The following MPHOSPH8 variants were observed in gnomAD, a reference collection of about 807,000 sequenced individuals.
MPHOSPH8 encodes the protein M-phase phosphoprotein 8, also known as M-phase phosphoprotein, mpp.
In MPHOSPH8, 45 loss-of-function variants were observed where a neutral mutation model predicts 87.3. The ratio of observed to expected loss-of-function variants is 0.52; its 90% CI spans 0.41 to 0.66. MPHOSPH8 has a LOEUF of 0.66. MPHOSPH8 is among the 30% of genes least tolerant of loss of function. The pLI is 0.00. For synonymous variants in MPHOSPH8, 366 were observed against 376.9 expected, an observed-to-expected ratio of 0.97 and a Z score of 0.33; for missense variants, 883 against 1,020.2, an observed-to-expected ratio of 0.87 and a Z score of 1.83.
chr13:19,655,709 T>G (rs1875121954), intron 5 of MPHOSPH8, among the ~76,000 whole-genome samples: 1 of 152,094 alleles, frequency 6.6e-6, no homozygotes, highest in Non-Finnish European at 1.5e-5. Context: ...AAACCAGGAA[T>G]AATACAAGGA....
In MPHOSPH8 at chr13:19,671,863, G is replaced by A. The variant is rs747176475; in HGVS notation, c.2571G>A (p.Val857=). The part of the protein sequence containing the change: ...KVKLLIGAYR[V]QLQ ...AGTTGCTAATAGGTGCATACAGAGTGCAGCTGCAGTGACCAAACAGAAGGG... is the reference window on the plus strand; with the variant it reads ...AGTTGCTAATAGGTGCATACAGAGTACAGCTGCAGTGACCAAACAGAAGGG... The change falls in exon 14 of 14, where the codon GTG becomes GTA. Residue 857 remains valine, a synonymous_variant. Coordinates refer to ENST00000361479, the MANE Select transcript of MPHOSPH8 (RefSeq NM_017520.4). 11 of 1,614,184 alleles carry A rather than the reference G, an allele frequency of 6.8e-6. No homozygotes were observed.
At position 19,659,183 on chromosome 13, in the gene MPHOSPH8, T is replaced by C; in HGVS notation, c.1703-18T>C. ...ATCTAGATTTATAAAATCTAACTTATTTTTTCTTTCATTTTAGATGTGTTA... is the reference window on the plus strand; with the variant it reads ...ATCTAGATTTATAAAATCTAACTTACTTTTTCTTTCATTTTAGATGTGTTA... On this transcript the variant is annotated intron_variant, in intron 6 of 13. Coordinates refer to ENST00000361479, the MANE Select transcript of MPHOSPH8 (RefSeq NM_017520.4). 1 of 1,609,158 alleles carries C rather than the reference T, an allele frequency of 6.2e-7. No homozygotes were observed. The highest frequency in any genetic ancestry group is 8.5e-7 in the Non-Finnish European group (1 of 1,178,166).
At chr13:19,659,612 G>A (rs566759364) in intron 7 of MPHOSPH8, 18 of 398,988 alleles carry the variant, frequency 4.5e-5, no homozygotes, top group Middle Eastern at 3.7e-4. Flanking sequence ...TGTGGTAAGT[G>A]GAGATCACAC....
chr13:19,671,992 GT>G lies in MPHOSPH8; in HGVS notation c.*119del. Reference sequence around the variant, plus strand: ...AAGTTTTGTCTGTAAACCTCTTGCAGTTAAGCCTGTTGTCTGTTGTAGTCTG... The same window carrying G: ...AAGTTTTGTCTGTAAACCTCTTGCAGTAAGCCTGTTGTCTGTTGTAGTCTG... On this transcript the variant is annotated 3_prime_UTR_variant, in exon 14 of 14. Coordinates refer to ENST00000361479, the MANE Select transcript of MPHOSPH8 (RefSeq NM_017520.4). 2 of 1,021,230 alleles carry G rather than the reference GT, an allele frequency of 2.0e-6. No homozygotes were observed. The highest frequency in any genetic ancestry group is 3.0e-6 in the Non-Finnish European group (2 of 669,194). 63.3% of individuals were successfully genotyped at this position (1,021,230 alleles called of 1,614,324 possible).
intron 9 of MPHOSPH8, among the ~76,000 whole-genome samples, chr13:19,664,435 G>C (rs575363757): frequency 1.3e-4 from 20 of 152,308 alleles, no homozygotes; most frequent in African/African-American, 4.3e-4. Flanking sequence ...TTCATGCCAA[G>C]CCTTAGGGAG....
At chr13:19,661,661 A>C in intron 7 of MPHOSPH8, 37 bp from the exon 8 acceptor site, 1 of 1,555,220 alleles carries the variant, frequency 6.4e-7, no homozygotes, top group Non-Finnish European at 8.7e-7. Flanking sequence ...GTTCTGACTA[A>C]AGATTAACAC....
intron 2 of MPHOSPH8, among the ~76,000 whole-genome samples, chr13:19,642,685 TA>T (rs75653621): frequency 0.034 from 4,761 of 141,770 alleles, 203 homozygotes; most frequent in African/African-American, 0.1. Context: ...GGACCTGGTT[TA>T]AAAAAAAAAA....
chr13:19,638,383 G>A (rs752212233), intron 1 of MPHOSPH8, among the ~76,000 whole-genome samples: 1 of 152,032 alleles, frequency 6.6e-6, no homozygotes, highest in Non-Finnish European at 1.5e-5. Context: ...GGGAAGCCGA[G>A]GCAGACGGAT....
In MPHOSPH8 at chr13:19,661,752, C is replaced by T; in HGVS notation, c.1846C>T (p.Leu616Phe). 2 of 1,612,628 alleles carry T rather than the reference C, an allele frequency of 1.2e-6. No homozygotes were observed. Among genetic ancestry groups the T allele is most frequent in the Admixed American group, 1.7e-5 (1 of 59,834 alleles). ...TGCCGCCGCCGGAGGGCAGGACGAC[C>T]TCCTGCGACTCCTCATCACAAAAGG... ...MLAAAGGQDD[L>F]LRLLITKGAK... Residue 616 changes from leucine (L) to phenylalanine (F), a missense_variant, in exon 8 of 14, where the codon CTC becomes TTC. By Grantham distance (22) the Leu-to-Phe change is conservative. Coordinates refer to ENST00000361479, the MANE Select transcript of MPHOSPH8 (RefSeq NM_017520.4).
In MPHOSPH8 at chr13:19,650,253, G is replaced by C; in HGVS notation, c.1569G>C (p.Glu523Asp). The C allele has an allele frequency of 6.2e-7, 1 of 1,611,846 alleles. No individual in the cohort carries two copies. Among genetic ancestry groups the C allele is most frequent in the East Asian group, 2.2e-5 (1 of 44,852 alleles). The change falls in exon 5 of 14, where the codon GAG becomes GAC. Residue 523 changes from glutamate (E) to aspartate (D), a missense_variant. Glu to Asp is a conservative substitution (Grantham distance 45). This residue lies in a region of MPHOSPH8 where 741 missense variants were observed against 841.5 expected (regional missense o/e 0.88). Transcript: ENST00000361479. ...TAGACAGCGTGTGCCAAGCAGATGA[G>C]AATTCAGGTGAGTTTGGAATCATTT... ...EVLDSVCQADENSDGRQQILS... is the reference protein window; with the variant it reads ...EVLDSVCQADDNSDGRQQILS...
At position 19,667,153 on chromosome 13, in the gene MPHOSPH8, C is replaced by G. The variant is rs149278405; in HGVS notation, c.2174+574C>G. On this transcript the variant is annotated intron_variant, in intron 10 of 13. Transcript: ENST00000361479. ...CTCCAGCCTGGGCGACAGAGCAACA[C>G]TCTGTTTCCGCCCCCCACCACCAAA... Among the ~76,000 whole-genome samples the G allele has an allele frequency of 1.6e-4, 25 of 152,324 alleles. No homozygotes were observed. The East Asian group carries it at 4.8e-3, about 29-fold the overall frequency.
rs1298633067 is a variant in MPHOSPH8, at chr13:19,672,749, C to CT, written c.*875dup. The CT allele has an allele frequency of 1.2e-5, 2 of 171,714 alleles. No individual in the cohort carries two copies. The highest frequency in any genetic ancestry group is 2.9e-4 in the South Asian group (2 of 6,938). The allele number at this position is 171,714 out of a possible 1,614,324, so 10.6% of individuals were successfully genotyped here. On this transcript the variant is annotated 3_prime_UTR_variant, in exon 14 of 14. Coordinates refer to ENST00000361479, the MANE Select transcript of MPHOSPH8 (RefSeq NM_017520.4). ...TCTTTTCAAAGGGTAACAAGAGAAT[C>CT]TAAGATGTAGTAAGAATGTAAACCA...
chr13:19,660,205 T>A (rs1289292872), intron 7 of MPHOSPH8, among the ~76,000 whole-genome samples: 2 of 151,712 alleles, frequency 1.3e-5, no homozygotes, highest in African/African-American at 4.8e-5. Flanking sequence ...CCTGACCTTG[T>A]GATCTGCCTG....
At chr13:19,641,787 C>T (rs766232348) in intron 1 of MPHOSPH8, among the ~76,000 whole-genome samples, 11 of 151,924 alleles carry the variant, frequency 7.2e-5, no homozygotes, top group Non-Finnish European at 1.5e-4. Flanking sequence ...TGAGCCACTG[C>T]GCCTGGCCCA....
At chr13:19,636,068 G>A (rs1229644324) in intron 1 of MPHOSPH8, among the ~76,000 whole-genome samples, 1 of 152,178 alleles carries the variant, frequency 6.6e-6, no homozygotes, top group Non-Finnish European at 1.5e-5. Flanking sequence ...ATGCTGAACT[G>A]AGTCAATTAA....
Position 19,672,553 on chromosome 13 carries a change from A to G in MPHOSPH8, c.*678A>G, listed in dbSNP as rs1593496615. 1 of 152,238 alleles carries G rather than the reference A, an allele frequency of 6.6e-6. No individual in the cohort carries two copies. The highest frequency in any genetic ancestry group is 6.5e-5 in the Admixed American group (1 of 15,288). 9.4% of individuals were successfully genotyped at this position (152,238 alleles called of 1,614,324 possible). A position where few individuals can be genotyped will look rare whatever the true frequency, so the allele number is the denominator to read the frequency against. ...AGCTCTAAAACATTTGCTTACAGCA[A>G]GGGAGCCATGTTATATTCAAGTTAC... On this transcript the variant is annotated 3_prime_UTR_variant, in exon 14 of 14. Coordinates refer to ENST00000361479, the MANE Select transcript of MPHOSPH8 (RefSeq NM_017520.4).
Position 19,668,443 on chromosome 13 carries a change from A to G in MPHOSPH8, c.2241A>G (p.Pro747=), listed in dbSNP as rs779310118. The G allele has an allele frequency of 3.1e-6, 5 of 1,613,900 alleles. No homozygotes were observed. In the South Asian group the frequency reaches 5.5e-5, roughly 18 times the overall value. The change falls in exon 11 of 14, where the codon CCA becomes CCG. Residue 747 remains proline, a synonymous_variant. Coordinates refer to ENST00000361479, the MANE Select transcript of MPHOSPH8 (RefSeq NM_017520.4). ...YFEARLALLE[P]VFPIACHRLC... The stretch of plus-strand genomic sequence containing the variant: ...AAGCTCGCCTTGCTCTGCTAGAACC[A>G]GTTTTTCCAATCGCATGTCATCGAC...
In MPHOSPH8 at chr13:19,671,912, C is replaced by T. The variant is rs766090704; in HGVS notation, c.*37C>T. ...GGACTGGGCGGAGTTCTCTTCAGAC[C>T]GATTCCTATACTCTCTTTGACAGCA... On this transcript the variant is annotated 3_prime_UTR_variant, in exon 14 of 14. Transcript: ENST00000361479. The T allele has an allele frequency of 2.5e-5, 40 of 1,600,060 alleles. No homozygotes were observed. The highest frequency in any genetic ancestry group is 1.6e-4 in the Middle Eastern group (1 of 6,066).
At position 19,672,118 on chromosome 13, in the gene MPHOSPH8, G is replaced by A. The variant is rs1266848369; in HGVS notation, c.*243G>A. 7 of 465,978 alleles carry A rather than the reference G, an allele frequency of 1.5e-5. No individual in the cohort carries two copies. Among genetic ancestry groups the A allele is most frequent in the Non-Finnish European group, 2.7e-5 (7 of 262,346 alleles). 28.9% of individuals were successfully genotyped at this position (465,978 alleles called of 1,614,324 possible). On this transcript the variant is annotated 3_prime_UTR_variant, in exon 14 of 14. Transcript: ENST00000361479. Reference sequence around the variant, plus strand: ...TTTCCACAATGTGGATAGTACATATGAGGATTATTTAAGAAAATTAAAGAC... The same window carrying A: ...TTTCCACAATGTGGATAGTACATATAAGGATTATTTAAGAAAATTAAAGAC...
Sources: allele counts gnomAD v4.1 joint callset (sites outside exome capture counted in the v4.1 genomes callset), GRCh38; gene constraint gnomAD v4.1.1; regional missense constraint gnomAD v4.1.1; transcripts MANE v1.5; gene names NCBI Gene and HGNC (gene_info 2026-07-23, HGNC 2026-07-21).